Variants in GIGYF2 observed in about 807,000 individuals in gnomAD.
The protein encoded by GIGYF2 is GRB10 interacting GYF protein 2, also known as GRB10-interacting GYF protein 2.
In GIGYF2, 25 loss-of-function variants were observed where a neutral mutation model predicts 208.1. The ratio of observed to expected loss-of-function variants is 0.12; its 90% CI spans 0.09 to 0.17. GIGYF2 has a LOEUF of 0.17. Ranked by LOEUF, GIGYF2 falls within the 10% of genes least tolerant of loss-of-function variation. The pLI is 1.00. For synonymous variants in GIGYF2, 534 were observed against 543.8 expected (o/e 0.98, Z 0.25); for missense variants, 1,302 against 1,579.4 (o/e 0.82, Z 2.98).
At chr2:232,730,897 CAAAAAAAAAAAAA>C (rs34491260) in intron 2 of GIGYF2, among the ~76,000 whole-genome samples, 7 of 51,572 alleles carry the variant, frequency 1.4e-4, no homozygotes, top group Non-Finnish European at 2.2e-4. Context: ...GACTCCGTCT[CAAAAAAAAAAAAA>C]AAAAAAAAAA....
Position 232,721,767 on chromosome 2 carries a change from G to A in GIGYF2, c.-43-13388G>A, listed in dbSNP as rs749579538. Reference sequence around the variant, plus strand: ...CTTATTATCAGAAAAGGACCCTGTGGTCTTACCCTTTGATTCATTGTTTTT... The same window carrying A: ...CTTATTATCAGAAAAGGACCCTGTGATCTTACCCTTTGATTCATTGTTTTT... On this transcript the variant is annotated intron_variant, in intron 2 of 28. Coordinates refer to ENST00000373563, the MANE Select transcript of GIGYF2 (RefSeq NM_001103146.3). 5.9e-5 allele frequency among the ~76,000 whole-genome samples: 9 copies of A among 152,078 alleles called. 1 individual carries two copies. Among genetic ancestry groups the A allele is most frequent in the Non-Finnish European group, 8.8e-5 (6 of 68,012 alleles).
chr2:232,797,331 C>CTG (rs1168289221), intron 14 of GIGYF2, among the ~76,000 whole-genome samples: 4 of 152,162 alleles, frequency 2.6e-5, no homozygotes, highest in Non-Finnish European at 4.4e-5. Flanking sequence ...TAGCATTTTA[C>CTG]TGTGTGCCCA....
At chr2:232,751,748 A>C (rs1008018514) in intron 5 of GIGYF2, among the ~76,000 whole-genome samples, 2 of 152,220 alleles carry the variant, frequency 1.3e-5, no homozygotes, top group Non-Finnish European at 2.9e-5. Context: ...CAGAATGAAT[A>C]ATTGAATTAC....
At chr2:232,843,562 CAAAAAA>C (rs577833427) in intron 23 of GIGYF2, among the ~76,000 whole-genome samples, 6 of 91,572 alleles carry the variant, frequency 6.6e-5, no homozygotes, top group Non-Finnish European at 1.3e-4. Context: ...GACCCTGTCT[CAAAAAA>C]AAAAAAAAAA....
intron 7 of GIGYF2, 151 bp from the exon 8 acceptor site, chr2:232,761,245 A>G (rs558443298): frequency 8.6e-5 from 51 of 592,478 alleles, no homozygotes; most frequent in Admixed American, 8.2e-4. Context: ...GTGCTTTTCT[A>G]TATTTTCGAA....
intron 8 of GIGYF2, among the ~76,000 whole-genome samples, chr2:232,781,322 A>ACACACAC (rs1559427073): frequency 9.4e-5 from 14 of 149,702 alleles, no homozygotes; most frequent in Middle Eastern, 3.4e-3. Flanking sequence ...ACACACACAC[A>ACACACAC]ACTTATAAAG....
At chr2:232,794,718 A>G (rs939621782) in intron 12 of GIGYF2, 30 bp from the exon 13 acceptor site, 4 of 1,572,350 alleles carry the variant, frequency 2.5e-6, no homozygotes, top group Admixed American at 1.7e-5. Context: ...CTGTATTTCA[A>G]AGGATTTTCA....
At chr2:232,785,830 C>G (rs1277349104) in intron 8 of GIGYF2, among the ~76,000 whole-genome samples, 1 of 152,180 alleles carries the variant, frequency 6.6e-6, no homozygotes, top group Non-Finnish European at 1.5e-5. Context: ...ATTAGAATTT[C>G]ATTTTCATAT....
In GIGYF2 at chr2:232,757,769, A is replaced by ACC. The variant is rs1170361689; in HGVS notation, c.379+1440_379+1441dup. On this transcript the variant is annotated intron_variant, in intron 6 of 28. Transcript: ENST00000373563. Reference sequence around the variant, plus strand: ...AAATACCAACCAATCTCTGAACAGCACCCCCCGCCCCCCGCCATTACTTAA... The same window carrying ACC: ...AAATACCAACCAATCTCTGAACAGCACCCCCCCCGCCCCCCGCCATTACTTAA... Among the ~76,000 whole-genome samples, 30 of 99,830 alleles carry ACC rather than the reference A, an allele frequency of 3.0e-4. 2 individuals carry two copies. The highest frequency in any genetic ancestry group is 1.1e-3 in the African/African-American group (27 of 25,576). The allele number at this position is 99,830 out of a possible 152,430, so 65.5% of individuals were successfully genotyped here.
intron 15 of GIGYF2, among the ~76,000 whole-genome samples, chr2:232,808,346 A>T (rs1429331102): frequency 6.6e-6 from 1 of 152,224 alleles, no homozygotes; most frequent in African/African-American, 2.4e-5. Flanking sequence ...GGATCTTGGC[A>T]TACTTGGAGT....
chr2:232,738,194 A>G (rs1278425264), intron 3 of GIGYF2, among the ~76,000 whole-genome samples: 2 of 151,936 alleles, frequency 1.3e-5, no homozygotes, highest in Non-Finnish European at 2.9e-5. Flanking sequence ...TGGGAGTGCA[A>G]GCATGAGCCA....
Position 232,826,859 on chromosome 2 carries a change from A to G in GIGYF2, c.2530-5998A>G, listed in dbSNP as rs1057432738. Among the ~76,000 whole-genome samples the G allele has an allele frequency of 2.6e-5, 4 of 152,204 alleles. No individual in the cohort carries two copies. In the South Asian group the frequency reaches 8.3e-4, roughly 32 times the overall value. Reference sequence around the variant, plus strand: ...GACTTCACTGATGTCTTATTTTAAGAAATTGCTACAGTCATCCCAAGCCTT... The same window carrying G: ...GACTTCACTGATGTCTTATTTTAAGGAATTGCTACAGTCATCCCAAGCCTT... On this transcript the variant is annotated intron_variant, in intron 21 of 28. Transcript: ENST00000373563.
chr2:232,729,901 C>T, intron 2 of GIGYF2: 1 of 739,902 alleles, frequency 1.4e-6, no homozygotes, highest in Non-Finnish European at 2.5e-6. Flanking sequence ...AGATCAATGT[C>T]ATCATCATCT....
intron 14 of GIGYF2, 108 bp downstream of exon 14, chr2:232,796,329 A>AGCACACACGCGC (rs1365195148): frequency 2.4e-5 from 19 of 795,376 alleles, no homozygotes; most frequent in East Asian, 5.1e-5. Flanking sequence ...GAAGTCAACA[A>AGCACACACGCGC]GCACACACGC....
chr2:232,785,671 A>G (rs774643850), intron 8 of GIGYF2, among the ~76,000 whole-genome samples: 2 of 152,232 alleles, frequency 1.3e-5, no homozygotes, highest in Non-Finnish European at 2.9e-5. Flanking sequence ...GTCCACCACA[A>G]TAAGAAAGCA....
intron 20 of GIGYF2, among the ~76,000 whole-genome samples, chr2:232,818,562 C>T (rs1267846576): frequency 1.3e-5 from 2 of 152,108 alleles, no homozygotes; most frequent in African/African-American, 4.8e-5. Flanking sequence ...TTTGTGGCAT[C>T]TATGTCAAAA....
chr2:232,837,186 G>A (rs897614701), intron 22 of GIGYF2, among the ~76,000 whole-genome samples: 35 of 152,166 alleles, frequency 2.3e-4, no homozygotes, highest in African/African-American at 8.2e-4. Context: ...CTTAGCATTT[G>A]TCACAGGTGA....
In GIGYF2 at chr2:232,750,731, C is replaced by CTGTGTGTG. The variant is rs61571808; in HGVS notation, c.267+1671_267+1678dup. Reference sequence around the variant, plus strand: ...TTGATTTATGCTATTTATATGAGCTCTGTGTGTGTGTGTGTGTGTGTGTGT... The same window carrying CTGTGTGTG: ...TTGATTTATGCTATTTATATGAGCTCTGTGTGTGTGTGTGTGTGTGTGTGTGTGTGTGT... On this transcript the variant is annotated intron_variant, in intron 5 of 28. Transcript: ENST00000373563. 6.6e-3 allele frequency among the ~76,000 whole-genome samples: 969 copies of CTGTGTGTG among 147,374 alleles called. 7 individuals carry two copies. Among genetic ancestry groups the CTGTGTGTG allele is most frequent in the Non-Finnish European group, 0.01 (678 of 66,676 alleles).
intron 8 of GIGYF2, among the ~76,000 whole-genome samples, chr2:232,785,020 G>A (rs1435476397): frequency 6.6e-6 from 1 of 151,708 alleles, no homozygotes; most frequent in Non-Finnish European, 1.5e-5. Flanking sequence ...CTCACTGGAA[G>A]CCAGACAGAT....
Sources: allele counts gnomAD v4.1 joint callset (sites outside exome capture counted in the v4.1 genomes callset), GRCh38; gene constraint gnomAD v4.1.1; transcripts MANE v1.5; gene names NCBI Gene and HGNC (gene_info 2026-07-23, HGNC 2026-07-21).